The following CBARP variants were observed in gnomAD, a reference collection of about 807,000 sequenced individuals.
CBARP encodes the protein CACN subunit beta associated regulatory protein.
In CBARP, 24 loss-of-function variants were observed where a neutral mutation model predicts 36.3. That is an observed-to-expected ratio of 0.66 (90% CI 0.48 to 0.93). CBARP has a LOEUF of 0.93. Among genes scored for constraint, CBARP ranks in the 40% least tolerant of loss-of-function variants. The pLI is 0.00. For synonymous variants in CBARP, 586 were observed against 453.2 expected (o/e 1.29, Z -3.72); for missense variants, 1,146 against 980.4 (o/e 1.17, Z -2.26).
rs1346982952 is a variant in CBARP at position 1,235,835 on chromosome 19, C to T, written c.189G>A (p.Leu63=). 1.2e-6 allele frequency: 2 copies of T among 1,611,286 alleles called. No individual in the cohort carries two copies. Among genetic ancestry groups the T allele is most frequent in the South Asian group, 2.2e-5 (2 of 91,064 alleles). The change falls in exon 3 of 10, where the codon TTG becomes TTA. Residue 63 remains leucine (L), a synonymous_variant. Transcript: ENST00000650044. ...GCTTGCAGAGGAGCAGGACGCCAGA[C>T]AACACCACCAGCGTGCCCCCCACGA... ...SLFVGGTLVV[L]SGVLLLCKRC...
intron 5 of CBARP, 26 bp downstream of exon 5, chr19:1,234,975 G>T: frequency 2.5e-6 from 4 of 1,589,044 alleles, no homozygotes; most frequent in Non-Finnish European, 2.6e-6. Context: ...AGGCCCTGGG[G>T]TGCCTCCCAA....
At chr19:1,234,433 T>G in intron 6 of CBARP, 102 bp from the exon 7 acceptor site, 1 of 1,432,676 alleles carries the variant, frequency 7.0e-7, no homozygotes, top group Non-Finnish European at 9.2e-7. Context: ...CTTGGCCCCC[T>G]GCCCTGCTCC....
chr19:1,238,130 C>T (rs1242627523), upstream of CBARP: 1 of 151,212 alleles, frequency 6.6e-6, no homozygotes. Context: ...CGGCCGAGCC[C>T]CGCCCCCGGC....
Position 1,236,032 on chromosome 19 carries a change from C to T in CBARP, c.69G>A (p.Leu23=). ...CAGTGGCATTGTCCCACGACGTCGT[C>T]AGGGCTACTGTGGCAGTGGTGGTGG... The part of the protein sequence containing the change: ...TTTTTTATVA[L]TTSWDNATGR... Residue 23 remains leucine (L), a synonymous_variant, in exon 2 of 10, where the codon CTG becomes CTA. Transcript: ENST00000650044. 1 of 1,541,178 alleles carries T rather than the reference C, an allele frequency of 6.5e-7. No individual in the cohort carries two copies. Among genetic ancestry groups the T allele is most frequent in the Non-Finnish European group, 8.7e-7 (1 of 1,143,712 alleles).
chr19:1,231,466 C>A lies in CBARP; in HGVS notation c.980-191G>T, dbSNP rs1479071245. On this transcript the variant is annotated intron_variant, in intron 8 of 9. Transcript: ENST00000650044. ...ACACATACAACGCCTGGGCCCCCCC[C>A]ACACACAGAACGCCTGTGGCCCCCA... Among the ~76,000 whole-genome samples the A allele has an allele frequency of 2.5e-5, 3 of 118,190 alleles. No homozygotes were observed. The South Asian group carries it at 9.4e-4, about 37-fold the overall frequency. 77.5% of individuals were successfully genotyped at this position (118,190 alleles called of 152,430 possible).
At position 1,234,681 on chromosome 19, in the gene CBARP, G is replaced by A. The variant is rs1398597770; in HGVS notation, c.517C>T (p.Leu173=). ...LKNARLTHLH[L]PPLKIVTIHE... ...ATGGTGACAATCTTGAGGGGCGGCA[G>A]GTGCAGGTGCGTGAGCCGGGCATTC... is the stretch of plus-strand genomic sequence containing the variant. Residue 173 remains leucine (L), a synonymous_variant, in exon 6 of 10, where the codon CTG becomes TTG. Coordinates refer to ENST00000650044, the MANE Select transcript of CBARP (RefSeq NM_001393918.1). 3 of 1,612,984 alleles carry A rather than the reference G, an allele frequency of 1.9e-6. No individual in the cohort carries two copies. The highest frequency in any genetic ancestry group is 1.1e-5 in the South Asian group (1 of 90,844).
At chr19:1,233,714 TGAGA>T in intron 7 of CBARP, 78 bp from the exon 8 acceptor site, 1 of 1,362,960 alleles carries the variant, frequency 7.3e-7, no homozygotes, top group Non-Finnish European at 1.0e-6. Context: ...GCCGTAGGTC[TGAGA>T]GACAGTCCCA....
chr19:1,229,164 C>T lies in CBARP; in HGVS notation c.*15G>A. On this transcript the variant is annotated 3_prime_UTR_variant, in exon 10 of 10. Coordinates refer to ENST00000650044, the MANE Select transcript of CBARP (RefSeq NM_001393918.1). The surrounding 1 kb of genome is among the most constrained non-coding windows in gnomAD (Gnocchi z 5.1). ...CCGGAGAAGCTGCCAGAGAGATGGG[C>T]CCAGGACGCGGGACTTAGGCCGGGC... 1.8e-6 allele frequency: 2 copies of T among 1,085,574 alleles called. No homozygotes were observed. The highest frequency in any genetic ancestry group is 2.3e-6 in the Non-Finnish European group (2 of 871,528). The allele number at this position is 1,085,574 out of a possible 1,614,324, so 67.2% of individuals were successfully genotyped here.
intron 1 of CBARP, among the ~76,000 whole-genome samples, chr19:1,236,515 C>A (rs759008301): frequency 6.6e-6 from 1 of 151,974 alleles, no homozygotes; most frequent in African/African-American, 2.4e-5. Context: ...CTCCAGACGC[C>A]CTGTCCGCCC....
chr19:1,229,689 CG>C lies in CBARP; in HGVS notation c.1607del (p.Pro536ArgfsTer292). Reference protein sequence around the residue: ...PRSPRAWPRRPRRDYSIDEKT... With the variant: ...PRSPRAWPRRXRRDYSIDEKT... ...TCTCGTCGATGCTGTAGTCGCGGCG[CG>C]GGCGGCGGGGCCAGGCGCGCGGGCT... On this transcript the variant is annotated frameshift_variant, in exon 10 of 10. Transcript: ENST00000650044. LOFTEE classifies it low-confidence loss of function (END_TRUNC). This position sits in a 1 kb window ranked among gnomAD's most constrained non-coding sequence, Gnocchi z 5.1. 1 of 1,058,888 alleles carries C rather than the reference CG, an allele frequency of 9.4e-7. No homozygotes were observed. 65.6% of individuals were successfully genotyped at this position (1,058,888 alleles called of 1,614,324 possible).
At chr19:1,235,433 A>AGGGGGCGGCGGGTGGCCG in intron 4 of CBARP, 68 bp downstream of exon 4, 1 of 1,462,736 alleles carries the variant, frequency 6.8e-7, no homozygotes, top group South Asian at 1.3e-5. Flanking sequence ...AGGCAGCCCG[A>AGGGGGCGGCGGGTGGCCG]GGGGGCGGCG....
chr19:1,234,499 C>A (rs566704788), intron 6 of CBARP, 72 bp downstream of exon 6: 1 of 1,485,806 alleles, frequency 6.7e-7, no homozygotes, highest in Middle Eastern at 2.4e-4. Flanking sequence ...TGGGTGAGGG[C>A]GTGGGGGTCC....
chr19:1,237,362 G>T (rs1162881122), intron 1 of CBARP, among the ~76,000 whole-genome samples: 1 of 152,138 alleles, frequency 6.6e-6, no homozygotes, highest in Non-Finnish European at 1.5e-5. Context: ...ACCGGAGGCC[G>T]GGGAAGATGG....
chr19:1,235,379 G>A, intron 4 of CBARP, 122 bp downstream of exon 4: 1 of 1,202,102 alleles, frequency 8.3e-7, no homozygotes. Flanking sequence ...TCGGAATCGA[G>A]CTGCGCCCAG....
rs756178632 is a variant in CBARP at position 1,236,061 on chromosome 19, T to C, written c.40A>G (p.Thr14Ala). 2 of 1,518,196 alleles carry C rather than the reference T, an allele frequency of 1.3e-6. No individual in the cohort carries two copies. Among genetic ancestry groups the C allele is most frequent in the Non-Finnish European group, 1.8e-6 (2 of 1,136,808 alleles). The allele number at this position is 1,518,196 out of a possible 1,614,324, so 94.0% of individuals were successfully genotyped here. The change falls in exon 2 of 10, where the codon ACC becomes GCC. Residue 14 changes from threonine (T) to alanine (A), a missense_variant. Coordinates refer to ENST00000650044, the MANE Select transcript of CBARP (RefSeq NM_001393918.1). ...GCTACTGTGGCAGTGGTGGTGGTGG[T>C]GGTGGTGGCGGCTGTGGCCATGGTG... is the stretch of plus-strand genomic sequence containing the variant. ...TATMATAATTTTTTTATVALT... is the reference protein window; with the variant it reads ...TATMATAATTATTTTATVALT...
At chr19:1,230,855 C>T (rs769591833) in intron 9 of CBARP, 2 of 1,496,624 alleles carry the variant, frequency 1.3e-6, no homozygotes, top group Non-Finnish European at 1.8e-6. Flanking sequence ...CCAGCGCCAT[C>T]CTCGGGGGGC....
chr19:1,230,372 T>C, intron 9 of CBARP: 1 of 986,982 alleles, frequency 1.0e-6, no homozygotes, highest in Non-Finnish European at 1.2e-6. Context: ...CATGCTGGAC[T>C]GCAGACGGCG....
Position 1,228,518 on chromosome 19 carries a change from C to A in CBARP, c.*661G>T, listed in dbSNP as rs1381285798. The A allele has an allele frequency of 5.4e-6, 1 of 186,448 alleles. No homozygotes were observed. The highest frequency in any genetic ancestry group is 6.2e-5 in the Admixed American group (1 of 16,050). The allele number at this position is 186,448 out of a possible 1,614,324, so 11.5% of individuals were successfully genotyped here. A position where few individuals can be genotyped will look rare whatever the true frequency, so the allele number is the denominator to read the frequency against. The stretch of plus-strand genomic sequence containing the variant: ...GTTGACATGCGGAGGGCAGTGGGGA[C>A]TCGGGGCGCGGGAGGGCCGGGGCCG... On this transcript the variant is annotated 3_prime_UTR_variant, in exon 10 of 10. Transcript: ENST00000650044.
In CBARP at chr19:1,233,443, G is replaced by A. The variant is rs768084134; in HGVS notation, c.962C>T (p.Ala321Val). 1 of 1,593,292 alleles carries A rather than the reference G, an allele frequency of 6.3e-7. No individual in the cohort carries two copies. Among genetic ancestry groups the A allele is most frequent in the Non-Finnish European group, 8.5e-7 (1 of 1,170,180 alleles). The change falls in exon 8 of 10, where the codon GCC becomes GTC. Residue 321 changes from alanine to valine, a missense_variant. Physicochemically the swap from Ala to Val is moderately conservative, Grantham distance 64. Coordinates refer to ENST00000650044, the MANE Select transcript of CBARP (RefSeq NM_001393918.1). ...CAGCTCACCTCTCGTGTCCAGACTGGCTGCCCGCTGGCTGGGCTCCAGCTT... is the reference window on the plus strand; with the variant it reads ...CAGCTCACCTCTCGTGTCCAGACTGACTGCCCGCTGGCTGGGCTCCAGCTT... Reference protein sequence around the residue: ...KWKLEPSQRAASLDTRGSPKR... With the variant: ...KWKLEPSQRAVSLDTRGSPKR...
Sources: allele counts gnomAD v4.1 joint callset (sites outside exome capture counted in the v4.1 genomes callset), GRCh38; gene constraint gnomAD v4.1.1; non-coding constraint Gnocchi (gnomAD v3.1); transcripts MANE v1.5; gene names NCBI Gene and HGNC (gene_info 2026-07-23, HGNC 2026-07-21).